The following PELI2 variants were observed in gnomAD, a reference collection of about 807,000 sequenced individuals.
PELI2 encodes the protein E3 ubiquitin-protein ligase pellino homolog 2.
Under a neutral mutation model 42.3 loss-of-function variants are expected in PELI2, and 23 were observed. The ratio of observed to expected loss-of-function variants is 0.54; its 90% confidence interval spans 0.39 to 0.77. PELI2 has a LOEUF of 0.77. Among genes scored for constraint, PELI2 ranks in the 30% least tolerant of loss-of-function variants. The pLI, the probability that PELI2 is intolerant of heterozygous loss-of-function variation, is 0.00. For missense variants in PELI2, 463 were observed against 553.2 expected, an observed-to-expected ratio of 0.84 and a Z score of 1.64; for synonymous variants, 245 against 212.2, an observed-to-expected ratio of 1.15 and a Z score of -1.34.
intron 1 of PELI2, among the ~76,000 whole-genome samples, chr14:56,138,398 G>C (rs897885840): frequency 6.6e-6 from 1 of 151,944 alleles, no homozygotes; most frequent in Non-Finnish European, 1.5e-5. Flanking sequence ...TCCAGGATTT[G>C]AGCATTTCCT....
At chr14:56,126,066 T>G (rs189890823) in intron 1 of PELI2, among the ~76,000 whole-genome samples, 2 of 152,368 alleles carry the variant, frequency 1.3e-5, no homozygotes, top group Admixed American at 1.3e-4. Flanking sequence ...TGTGCTTTAC[T>G]GACATCAGAT....
chr14:56,248,270 A>G (rs1181308462), intron 2 of PELI2, among the ~76,000 whole-genome samples: 2 of 152,246 alleles, frequency 1.3e-5, no homozygotes, highest in Admixed American at 6.5e-5. Flanking sequence ...TTCTTTGAGC[A>G]TAGTAAATAA....
chr14:56,129,760 T>A (rs969733016), intron 1 of PELI2, among the ~76,000 whole-genome samples: 1 of 152,220 alleles, frequency 6.6e-6, no homozygotes, highest in African/African-American at 2.4e-5. Context: ...TGTCTCTTGC[T>A]GAGCTATGGC....
intron 1 of PELI2, chr14:56,119,347 T>C (rs1180606141): frequency 6.6e-6 from 1 of 151,774 alleles, no homozygotes; most frequent in African/African-American, 2.4e-5. Flanking sequence ...GAACTGTGTG[T>C]GACCCGGGCC....
At chr14:56,155,875 TG>T (rs1319053910) in intron 1 of PELI2, among the ~76,000 whole-genome samples, 1 of 152,182 alleles carries the variant, frequency 6.6e-6, no homozygotes. Context: ...TGAGCCACTG[TG>T]CCTGGCTTCA....
At chr14:56,274,805 TG>T (rs895690672) in intron 2 of PELI2, among the ~76,000 whole-genome samples, 1 of 152,240 alleles carries the variant, frequency 6.6e-6, no homozygotes, top group African/African-American at 2.4e-5. Flanking sequence ...ACATCTGGTC[TG>T]GGCATCTGGG....
At chr14:56,296,559 G>C in intron 5 of PELI2, 41 bp from the exon 6 acceptor site, 1 of 1,338,406 alleles carries the variant, frequency 7.5e-7, no homozygotes, top group South Asian at 1.3e-5. Flanking sequence ...TGATTTGCTT[G>C]ATTTTGCTTT....
At chr14:56,158,227 G>A (rs1198943337) in intron 1 of PELI2, among the ~76,000 whole-genome samples, 2 of 151,982 alleles carry the variant, frequency 1.3e-5, no homozygotes, top group East Asian at 3.9e-4. Context: ...GGGGTTTCAT[G>A]GTGTTGGCCA....
chr14:56,294,655 G>T (rs565643781), intron 5 of PELI2, among the ~76,000 whole-genome samples: 1 of 152,306 alleles, frequency 6.6e-6, no homozygotes, highest in Non-Finnish European at 1.5e-5. Flanking sequence ...TGCCTGGGCA[G>T]TGGCATCCAT....
chr14:56,239,886 G>A (rs1887915320), intron 2 of PELI2, among the ~76,000 whole-genome samples: 1 of 152,170 alleles, frequency 6.6e-6, no homozygotes, highest in Admixed American at 6.5e-5. Flanking sequence ...TTTATTGATA[G>A]AAATGACAAG....
At chr14:56,267,041 A>G (rs1271074414) in intron 2 of PELI2, among the ~76,000 whole-genome samples, 1 of 152,106 alleles carries the variant, frequency 6.6e-6, no homozygotes, top group Non-Finnish European at 1.5e-5. Flanking sequence ...GGAAGGATAT[A>G]TAAGAAACTA....
At chr14:56,119,047 G>T (rs964268392) in intron 1 of PELI2, 26 of 168,922 alleles carry the variant, frequency 1.5e-4, no homozygotes, top group Non-Finnish European at 3.8e-5. Flanking sequence ...TCGTGGGGGC[G>T]GGGGCAGGGG....
chr14:56,239,712 G>A (rs370647082), intron 2 of PELI2, among the ~76,000 whole-genome samples: 6 of 152,066 alleles, frequency 3.9e-5, no homozygotes, highest in East Asian at 3.9e-4. Flanking sequence ...CCCAAGCCCC[G>A]TGCACTTGTG....
chr14:56,149,492 A>T (rs1419545020), intron 1 of PELI2, among the ~76,000 whole-genome samples: 1 of 152,228 alleles, frequency 6.6e-6, no homozygotes, highest in African/African-American at 2.4e-5. Context: ...GGAGTCTAGG[A>T]AGAAAATGCT....
intron 2 of PELI2, among the ~76,000 whole-genome samples, chr14:56,211,278 C>G (rs1886704440): frequency 6.6e-6 from 1 of 152,226 alleles, no homozygotes; most frequent in African/African-American, 2.4e-5. Context: ...TCAGGCCACC[C>G]TGAAGGTCAG....
intron 1 of PELI2, among the ~76,000 whole-genome samples, chr14:56,123,340 C>T (rs1039547149): frequency 3.3e-5 from 5 of 152,000 alleles, no homozygotes; most frequent in African/African-American, 9.7e-5. Context: ...AATTTGGGCC[C>T]AAAGACATCA....
intron 1 of PELI2, among the ~76,000 whole-genome samples, chr14:56,147,271 G>A (rs545414020): frequency 6.6e-6 from 1 of 152,312 alleles, no homozygotes; most frequent in Admixed American, 6.5e-5. Flanking sequence ...ACATTTGCTT[G>A]CAACTCTTTG....
intron 1 of PELI2, among the ~76,000 whole-genome samples, chr14:56,147,787 T>A (rs2139615561): frequency 6.6e-6 from 1 of 152,246 alleles, no homozygotes; most frequent in South Asian, 2.1e-4. Flanking sequence ...AGAGAAGATA[T>A]TTTGAGGTGT....
intron 2 of PELI2, among the ~76,000 whole-genome samples, chr14:56,256,334 G>A (rs1271882682): frequency 2.0e-5 from 3 of 152,182 alleles, no homozygotes; most frequent in South Asian, 2.1e-4. Flanking sequence ...TACTCTGGAG[G>A]CTGAGGTGGG....
Sources: gnomAD v4.1 joint callset for allele counts (sites outside exome capture counted in the v4.1 genomes callset) on GRCh38, gnomAD v4.1.1 for gene constraint, MANE v1.5 for transcripts, NCBI Gene and HGNC (gene_info 2026-07-23, HGNC 2026-07-21) for gene names.